USP6NL: variants seen among roughly 807,000 people sequenced by gnomAD.
USP6NL encodes the protein USP6 N-terminal-like protein.
Under a neutral mutation model 61.9 loss-of-function variants are expected in USP6NL, and 26 were observed. The observed-to-expected ratio is 0.42, with a 90% CI of 0.31 to 0.58. The LOEUF (loss-of-function observed/expected upper bound fraction) is 0.58, where lower values mean the gene tolerates loss of function less well. USP6NL is among the 20% of genes least tolerant of loss of function. The pLI is 0.16. For missense variants in USP6NL, 1,114 were observed against 1,034.3 expected (o/e 1.08, Z -1.06); for synonymous variants, 432 against 390.1 (o/e 1.11, Z -1.27).
At chr10:11,576,757 C>A (rs1384360523) in intron 2 of USP6NL, among the ~76,000 whole-genome samples, 1 of 152,308 alleles carries the variant, frequency 6.6e-6, no homozygotes, top group African/African-American at 2.4e-5. Context: ...ACTGTAACTT[C>A]ATAATAAGTC....
chr10:11,515,154 A>G (rs1368299213), intron 5 of USP6NL, among the ~76,000 whole-genome samples: 2 of 152,216 alleles, frequency 1.3e-5, no homozygotes, highest in African/African-American at 4.8e-5. Context: ...TCAACCCTGT[A>G]CAGGACCAGC....
At chr10:11,582,796 C>T (rs960071183) in intron 2 of USP6NL, among the ~76,000 whole-genome samples, 2 of 151,982 alleles carry the variant, frequency 1.3e-5, no homozygotes, top group Non-Finnish European at 2.9e-5. Context: ...ACATACAAAG[C>T]TTCACAAACA....
intron 2 of USP6NL, among the ~76,000 whole-genome samples, chr10:11,579,952 G>C (rs888990886): frequency 6.8e-6 from 1 of 147,150 alleles, no homozygotes; most frequent in African/African-American, 2.5e-5. Context: ...CAAACCACCA[G>C]TGGAGAGTGG....
chr10:11,566,805 T>TC (rs1837177932), intron 2 of USP6NL, among the ~76,000 whole-genome samples: 1 of 152,204 alleles, frequency 6.6e-6, no homozygotes, highest in Non-Finnish European at 1.5e-5. Context: ...ACTAAGAGAC[T>TC]CAGAGACAAG....
chr10:11,462,837 T>C lies in USP6NL; in HGVS notation c.2091A>G (p.Arg697=). ...RPSPLVLPSS[R]IEVLPVDTGA... ...CAGTGTCAACAGGGAGGACTTCTAT[T>C]CGACTAGACGGCAGTACAAGGGGGC... The change falls in exon 15 of 15, where the codon CGA becomes CGG. Residue 697 remains arginine, a synonymous_variant. Transcript: ENST00000609104. 1 of 1,614,018 alleles carries C rather than the reference T, an allele frequency of 6.2e-7. No individual in the cohort carries two copies. Among genetic ancestry groups the C allele is most frequent in the Non-Finnish European group, 8.5e-7 (1 of 1,179,902 alleles).
rs539495582 is a variant in USP6NL at position 11,498,185 on chromosome 10, G to A, written c.384+2916C>T. Among the ~76,000 whole-genome samples the A allele has an allele frequency of 2.7e-4, 35 of 130,022 alleles. No individual in the cohort carries two copies. In the South Asian group the frequency reaches 5.5e-3, roughly 20 times the overall value. 85.3% of individuals were successfully genotyped at this position (130,022 alleles called of 152,430 possible). ...TAGGAGGTGGAGGTTGCAGTGAGCC[G>A]AGATCACACCACTGCACTCCAGCCT... On this transcript the variant is annotated intron_variant, in intron 7 of 14. Coordinates refer to ENST00000609104, the MANE Select transcript of USP6NL (RefSeq NM_014688.5).
At chr10:11,501,855 A>G (rs1834210511) in intron 6 of USP6NL, among the ~76,000 whole-genome samples, 1 of 152,186 alleles carries the variant, frequency 6.6e-6, no homozygotes, top group Non-Finnish European at 1.5e-5. Flanking sequence ...TTCTTCAGGA[A>G]AACTTTTTTC....
chr10:11,503,681 T>G (rs999996558), intron 6 of USP6NL, among the ~76,000 whole-genome samples: 3 of 152,226 alleles, frequency 2.0e-5, no homozygotes, highest in African/African-American at 7.2e-5. Flanking sequence ...TTAGCAACTA[T>G]TTAAATAAGA....
chr10:11,585,920 C>A lies in USP6NL; in HGVS notation c.4+11711G>T, dbSNP rs1264988543. ...ACATGAGGTACCTAGAGGTCAGAGGCCGGGAAGAGGAAGAAACAGAGCATT... is the reference window on the plus strand; with the variant it reads ...ACATGAGGTACCTAGAGGTCAGAGGACGGGAAGAGGAAGAAACAGAGCATT... On this transcript the variant is annotated intron_variant, in intron 2 of 14. Coordinates refer to ENST00000609104, the MANE Select transcript of USP6NL (RefSeq NM_014688.5). The surrounding 1 kb of genome is among the most constrained non-coding windows in gnomAD (Gnocchi z 4.5). Among the ~76,000 whole-genome samples the A allele has an allele frequency of 6.6e-6, 1 of 151,910 alleles. No individual in the cohort carries two copies. Among genetic ancestry groups the A allele is most frequent in the Non-Finnish European group, 1.5e-5 (1 of 67,992 alleles).
At chr10:11,479,686 C>T (rs1277845928) in intron 14 of USP6NL, among the ~76,000 whole-genome samples, 1 of 151,926 alleles carries the variant, frequency 6.6e-6, no homozygotes, top group African/African-American at 2.4e-5. Flanking sequence ...TGCCATTCTC[C>T]TGCCTCAACT....
In USP6NL at chr10:11,481,337, C is replaced by G. The variant is rs1833190459; in HGVS notation, c.1078+433G>C. On this transcript the variant is annotated intron_variant, in intron 14 of 14. Transcript: ENST00000609104. This position sits in a 1 kb window ranked among gnomAD's most constrained non-coding sequence, Gnocchi z 4.4. ...GTGGTTCTGTGGCTTCATATTTAAG[C>G]CACTTAGGCACTAAAGTATCAATTT... is the stretch of plus-strand genomic sequence containing the variant. 6.6e-6 allele frequency among the ~76,000 whole-genome samples: 1 copy of G among 152,154 alleles called. No homozygotes were observed. Among genetic ancestry groups the G allele is most frequent in the Admixed American group, 6.5e-5 (1 of 15,272 alleles).
chr10:11,557,948 G>C (rs1165760028), intron 2 of USP6NL, among the ~76,000 whole-genome samples: 2 of 152,016 alleles, frequency 1.3e-5, no homozygotes, highest in African/African-American at 4.8e-5. Flanking sequence ...CGGAAGGTAT[G>C]AGAAAAAAGG....
intron 2 of USP6NL, among the ~76,000 whole-genome samples, chr10:11,569,210 T>A (rs144820526): frequency 1.3e-5 from 2 of 152,346 alleles, no homozygotes; most frequent in African/African-American, 4.8e-5. Context: ...TGAAAACGAT[T>A]ATCCACCTAC....
Position 11,462,749 on chromosome 10 carries a change from CT to C in USP6NL, c.2178del (p.Val727TrpfsTer56). On this transcript the variant is annotated frameshift_variant, in exon 15 of 15. Transcript: ENST00000609104. LOFTEE classifies it low-confidence loss of function (END_TRUNC). ...SPKNGKLIIP[P>X]VDYLPDNRTW... ...GTTCTGTTATCTGGCAAGTAATCCA[CT>C]GGTGGAATGATCAATTTTCCATTCT... 6.2e-7 allele frequency: 1 copy of C among 1,614,018 alleles called. No individual in the cohort carries two copies. The highest frequency in any genetic ancestry group is 8.5e-7 in the Non-Finnish European group (1 of 1,179,902).
At chr10:11,500,462 T>A (rs1395202417) in intron 7 of USP6NL, among the ~76,000 whole-genome samples, 1 of 152,136 alleles carries the variant, frequency 6.6e-6, no homozygotes, top group Non-Finnish European at 1.5e-5. Flanking sequence ...TAGATGTAAA[T>A]CTCTTACTCC....
At chr10:11,581,913 C>T (rs1277310941) in intron 2 of USP6NL, among the ~76,000 whole-genome samples, 1 of 152,170 alleles carries the variant, frequency 6.6e-6, no homozygotes, top group Non-Finnish European at 1.5e-5. Flanking sequence ...GCTGGAATTA[C>T]AGGTGCCCAC....
In USP6NL at chr10:11,596,496, C is replaced by T. The variant is rs1588421417; in HGVS notation, c.4+1135G>A. Among the ~76,000 whole-genome samples the T allele has an allele frequency of 6.6e-6, 1 of 151,924 alleles. No individual in the cohort carries two copies. The highest frequency in any genetic ancestry group is 2.1e-4 in the South Asian group (1 of 4,812). On this transcript the variant is annotated intron_variant, in intron 2 of 14. Transcript: ENST00000609104. The surrounding 1 kb of genome is among the most constrained non-coding windows in gnomAD (Gnocchi z 4.1). ...AAAATTAGCTGGGCCTGGTGGCGGG[C>T]GCCTGTAGTCCCAGCTACTCGGGAG... is the stretch of plus-strand genomic sequence containing the variant.
chr10:11,525,562 A>G lies in USP6NL; in HGVS notation c.73-94T>C. The stretch of plus-strand genomic sequence containing the variant: ...GACGAAGAAATAAGAGCTATTTTTA[A>G]TGTATTACTAAAAATAAGAGCTGGA... On this transcript the variant is annotated intron_variant, in intron 3 of 14. Coordinates refer to ENST00000609104, the MANE Select transcript of USP6NL (RefSeq NM_014688.5). This position sits in a 1 kb window ranked among gnomAD's most constrained non-coding sequence, Gnocchi z 5.0. The G allele has an allele frequency of 9.2e-7, 1 of 1,088,240 alleles. No individual in the cohort carries two copies. Among genetic ancestry groups the G allele is most frequent in the Non-Finnish European group, 1.3e-6 (1 of 786,336 alleles). 67.4% of individuals were successfully genotyped at this position (1,088,240 alleles called of 1,614,324 possible). A position where few individuals can be genotyped will look rare whatever the true frequency, so the allele number is the denominator to read the frequency against.
Position 11,470,138 on chromosome 10 carries a change from T to G in USP6NL, c.1079-6289A>C. On this transcript the variant is annotated intron_variant, in intron 14 of 14. Coordinates refer to ENST00000609104, the MANE Select transcript of USP6NL (RefSeq NM_014688.5). This position sits in a 1 kb window ranked among gnomAD's most constrained non-coding sequence, Gnocchi z 5.4. The stretch of plus-strand genomic sequence containing the variant: ...AGGGGCGGAGACAGTGAAGGAGAGG[T>G]GAGGAAGAAGGAAGACGTGGCGGGG... Among the ~76,000 whole-genome samples the G allele has an allele frequency of 6.6e-6, 1 of 150,938 alleles. No homozygotes were observed. The highest frequency in any genetic ancestry group is 1.9e-4 in the East Asian group (1 of 5,132).
Sources: gnomAD v4.1 joint callset for allele counts (sites outside exome capture counted in the v4.1 genomes callset) on GRCh38, gnomAD v4.1.1 for gene constraint, Gnocchi (gnomAD v3.1) non-coding constraint, MANE v1.5 for transcripts, NCBI Gene and HGNC (gene_info 2026-07-23, HGNC 2026-07-21) for gene names.